EPSTI1: variants seen among roughly 807,000 people sequenced by gnomAD.
EPSTI1 encodes the protein epithelial stromal interaction 1.
In EPSTI1, 66 loss-of-function variants were observed where a neutral mutation model predicts 49.9. That is an observed-to-expected ratio of 1.32 (90% CI 1.08 to 1.62). The LOEUF (loss-of-function observed/expected upper bound fraction) is 1.62, where lower values mean the gene tolerates loss of function less well. EPSTI1 is among the 40% of genes most tolerant of loss of function. EPSTI1 has a pLI of 0.00. For synonymous variants in EPSTI1, 137 were observed against 130.7 expected, an observed-to-expected ratio of 1.05 and a Z score of -0.33; for missense variants, 394 against 365.5, an observed-to-expected ratio of 1.08 and a Z score of -0.64.
chr13:42,898,558 CT>C (rs1380126132), intron 9 of EPSTI1, among the ~76,000 whole-genome samples: 33 of 152,040 alleles, frequency 2.2e-4, no homozygotes, highest in African/African-American at 8.0e-4. Flanking sequence ...TTTATTGGAT[CT>C]ATTTAAGTAG....
intron 5 of EPSTI1, among the ~76,000 whole-genome samples, chr13:42,956,101 G>A (rs1390062477): frequency 6.6e-6 from 1 of 152,204 alleles, no homozygotes; most frequent in African/African-American, 2.4e-5. Context: ...GGGGACAGCA[G>A]TTTGCAAATA....
chr13:42,889,367 C>T, intron 10 of EPSTI1: 1 of 618,794 alleles, frequency 1.6e-6, no homozygotes, highest in South Asian at 2.4e-5. Flanking sequence ...AATCAATCCA[C>T]CTAACATACA....
intron 6 of EPSTI1, among the ~76,000 whole-genome samples, chr13:42,946,443 T>C (rs2038919737): frequency 1.3e-5 from 2 of 152,206 alleles, no homozygotes; most frequent in South Asian, 4.2e-4. Context: ...ATGTTGGAAA[T>C]TGTACGTAGG....
chr13:42,958,311 G>A (rs549683313), intron 5 of EPSTI1, among the ~76,000 whole-genome samples: 1 of 152,154 alleles, frequency 6.6e-6, no homozygotes, highest in East Asian at 1.9e-4. Flanking sequence ...AACCAAATAT[G>A]GTAGAGGAGT....
At chr13:42,981,549 G>A (rs9315978) in intron 1 of EPSTI1, among the ~76,000 whole-genome samples, 74,408 of 151,980 alleles carry the variant, frequency 0.49, 18,861 homozygotes, top group South Asian at 0.61. Context: ...CCACAAATGC[G>A]TACCATACTG....
intron 4 of EPSTI1, 164 bp from the exon 5 acceptor site, chr13:42,963,502 C>A (rs140796037): frequency 1.7e-6 from 1 of 594,728 alleles, no homozygotes; most frequent in African/African-American, 1.9e-5. Flanking sequence ...AGAGAATGGC[C>A]GGGCTACGTC....
chr13:42,916,526 T>C (rs1566113840), intron 8 of EPSTI1, among the ~76,000 whole-genome samples: 1 of 152,160 alleles, frequency 6.6e-6, no homozygotes, highest in Non-Finnish European at 1.5e-5. Flanking sequence ...TGAATACAAA[T>C]AGTTCATTTT....
intron 7 of EPSTI1, among the ~76,000 whole-genome samples, chr13:42,920,978 T>G (rs567605462): frequency 6.6e-6 from 1 of 151,972 alleles, no homozygotes; most frequent in Non-Finnish European, 1.5e-5. Flanking sequence ...CAAGAAAATA[T>G]GCCAAAATAT....
intron 6 of EPSTI1, among the ~76,000 whole-genome samples, chr13:42,940,522 T>C (rs992865913): frequency 6.6e-6 from 1 of 152,234 alleles, no homozygotes; most frequent in Non-Finnish European, 1.5e-5. Context: ...GCCTAGAACC[T>C]AGTATAGTGC....
chr13:42,913,748 C>T (rs571956956), intron 8 of EPSTI1, among the ~76,000 whole-genome samples: 33 of 152,284 alleles, frequency 2.2e-4, no homozygotes, highest in African/African-American at 6.3e-4. Flanking sequence ...ATTATCACAA[C>T]GCCTAATTTA....
chr13:42,945,251 C>T (rs1232052707), intron 6 of EPSTI1, among the ~76,000 whole-genome samples: 5 of 152,240 alleles, frequency 3.3e-5, no homozygotes, highest in Admixed American at 6.5e-5. Context: ...GCAGGGGAAC[C>T]GCCCTTTATA....
chr13:42,978,251 C>T (rs1416401930), intron 1 of EPSTI1, among the ~76,000 whole-genome samples: 2 of 151,862 alleles, frequency 1.3e-5, no homozygotes, highest in Non-Finnish European at 2.9e-5. Context: ...GGTCAGAGTA[C>T]AGTTTGGTTT....
intron 5 of EPSTI1, among the ~76,000 whole-genome samples, chr13:42,955,004 T>C (rs1413308120): frequency 6.6e-6 from 1 of 152,212 alleles, no homozygotes; most frequent in Non-Finnish European, 1.5e-5. Context: ...AAAGTCTTCA[T>C]TCACTCAAAA....
chr13:42,897,879 A>G (rs1202148071), intron 9 of EPSTI1, among the ~76,000 whole-genome samples: 1 of 152,224 alleles, frequency 6.6e-6, no homozygotes, highest in Non-Finnish European at 1.5e-5. Context: ...GAAAGTACAT[A>G]CATGCTACTG....
At chr13:42,955,382 A>T (rs1191823057) in intron 5 of EPSTI1, among the ~76,000 whole-genome samples, 2 of 152,190 alleles carry the variant, frequency 1.3e-5, no homozygotes. Context: ...GAAAGCCAAA[A>T]ACAGCTAGAG....
Position 42,888,480 on chromosome 13 carries a change from G to A in EPSTI1, c.*14C>T, listed in dbSNP as rs753743142. The A allele has an allele frequency of 6.8e-6, 11 of 1,613,600 alleles. No individual in the cohort carries two copies. The South Asian group carries it at 1.1e-4, about 16-fold the overall frequency. ...AGGTCAGTTGATGAAGGCCAGATAG[G>A]AGTCAATATTTTCTCATATACCCTG... On this transcript the variant is annotated 3_prime_UTR_variant, in exon 11 of 11. Coordinates refer to ENST00000313624, the MANE Select transcript of EPSTI1 (RefSeq NM_033255.5).
intron 6 of EPSTI1, among the ~76,000 whole-genome samples, chr13:42,938,831 C>G (rs1426621359): frequency 2.9e-5 from 4 of 137,584 alleles, no homozygotes; most frequent in Non-Finnish European, 4.6e-5. Context: ...AGGAGAATCA[C>G]TCGAACCTGG....
chr13:42,976,025 A>G (rs2039875160), intron 1 of EPSTI1, among the ~76,000 whole-genome samples: 1 of 152,236 alleles, frequency 6.6e-6, no homozygotes, highest in Non-Finnish European at 1.5e-5. Flanking sequence ...TTTTCAGAAC[A>G]TAGAGATGTC....
At chr13:42,939,472 G>A (rs75459692) in intron 6 of EPSTI1, among the ~76,000 whole-genome samples, 3,781 of 152,276 alleles carry the variant, frequency 0.025, 129 homozygotes, top group East Asian at 0.11. Context: ...ATGGGCCATT[G>A]TAGGGTTATT....
Sources: allele counts gnomAD v4.1 joint callset (sites outside exome capture counted in the v4.1 genomes callset), GRCh38; gene constraint gnomAD v4.1.1; transcripts MANE v1.5; gene names NCBI Gene and HGNC (gene_info 2026-07-23, HGNC 2026-07-21).